The following CFAP54 variants were observed in gnomAD, a reference collection of about 807,000 sequenced individuals.
CFAP54 encodes the protein cilia and flagella associated protein 54.
In CFAP54, 290 loss-of-function variants were observed where a neutral mutation model predicts 370.4. That is an observed-to-expected ratio of 0.78 (90% CI 0.71 to 0.86). The LOEUF (loss-of-function observed/expected upper bound fraction) is 0.86, where lower values mean the gene tolerates loss of function less well. Ranked by LOEUF, CFAP54 falls within the 40% of genes least tolerant of loss-of-function variation. CFAP54 has a pLI of 0.00. For synonymous variants in CFAP54, 1,206 were observed against 1,236.5 expected (o/e 0.98, Z 0.52); for missense variants, 3,399 against 3,528.7 (o/e 0.96, Z 0.93).
In CFAP54 at chr12:96,724,990, A is replaced by G. The variant is rs552315250; in HGVS notation, c.6965+4425A>G. Among the ~76,000 whole-genome samples the G allele has an allele frequency of 3.7e-3, 561 of 152,144 alleles. 5 individuals carry two copies. Among genetic ancestry groups the G allele is most frequent in the African/African-American group, 0.013 (525 of 41,506 alleles). ...TGTCAAAGATCAGATAGTTTTAGATATGTGGCGTTATTTCTGAGGGCTCTG... is the reference window on the plus strand; with the variant it reads ...TGTCAAAGATCAGATAGTTTTAGATGTGTGGCGTTATTTCTGAGGGCTCTG... On this transcript the variant is annotated intron_variant, in intron 50 of 67. Transcript: ENST00000524981.
At chr12:96,547,118 G>A (rs896081742) in intron 14 of CFAP54, among the ~76,000 whole-genome samples, 1 of 152,078 alleles carries the variant, frequency 6.6e-6, no homozygotes. Flanking sequence ...AAAACATAAA[G>A]TACAAGTCTT....
At chr12:96,653,746 TA>T (rs1283787952) in intron 36 of CFAP54, among the ~76,000 whole-genome samples, 1 of 150,614 alleles carries the variant, frequency 6.6e-6, no homozygotes, top group East Asian at 1.9e-4. Context: ...AAGGAAATAA[TA>T]AAAAGAAATA....
At chr12:96,534,945 T>A (rs544981128) in intron 11 of CFAP54, among the ~76,000 whole-genome samples, 12 of 152,026 alleles carry the variant, frequency 7.9e-5, no homozygotes, top group Admixed American at 3.9e-4. Context: ...AATGTTGGAA[T>A]GTTGGATTTA....
intron 9 of CFAP54, 79 bp from the exon 10 acceptor site, chr12:96,533,713 C>A: frequency 9.2e-7 from 1 of 1,084,230 alleles, no homozygotes; most frequent in Non-Finnish European, 1.2e-6. Context: ...TTCCTGGTGC[C>A]TGAAAGTGTC....
At chr12:96,678,972 C>G (rs1298494106) in intron 39 of CFAP54, among the ~76,000 whole-genome samples, 2 of 152,160 alleles carry the variant, frequency 1.3e-5, no homozygotes, top group African/African-American at 2.4e-5. Context: ...CTCTCTTGGT[C>G]CTGCTTCATG....
At chr12:96,840,688 C>T (rs989475051) in intron 66 of CFAP54, among the ~76,000 whole-genome samples, 2 of 145,472 alleles carry the variant, frequency 1.4e-5, no homozygotes, top group African/African-American at 2.6e-5. Context: ...TCTATAATTA[C>T]ATCTTTCTTC....
chr12:96,748,412 G>A (rs557475407), intron 55 of CFAP54, among the ~76,000 whole-genome samples: 2 of 151,942 alleles, frequency 1.3e-5, no homozygotes, highest in Non-Finnish European at 2.9e-5. Context: ...CACTGAGAAA[G>A]TGCTGCTGTT....
intron 9 of CFAP54, among the ~76,000 whole-genome samples, chr12:96,533,055 A>G (rs950542612): frequency 5.9e-5 from 9 of 152,120 alleles, no homozygotes; most frequent in Non-Finnish European, 1.0e-4. Context: ...CTAGCACTCT[A>G]CTAAGAATGT....
At chr12:96,748,343 C>T (rs1228238348) in intron 55 of CFAP54, among the ~76,000 whole-genome samples, 1 of 152,028 alleles carries the variant, frequency 6.6e-6, no homozygotes, top group East Asian at 1.9e-4. Context: ...TAAACTAGTT[C>T]TTTCCTTTTT....
At position 96,792,277 on chromosome 12, in the gene CFAP54, T is replaced by C. The variant is rs868046555; in HGVS notation, c.8680-52T>C. 80 of 1,388,590 alleles carry C rather than the reference T, an allele frequency of 5.8e-5. No individual in the cohort carries two copies. The Middle Eastern group carries it at 3.4e-3, about 59-fold the overall frequency. The allele number at this position is 1,388,590 out of a possible 1,614,324, so 86.0% of individuals were successfully genotyped here. A position where few individuals can be genotyped will look rare whatever the true frequency, so the allele number is the denominator to read the frequency against. On this transcript the variant is annotated intron_variant, in intron 62 of 67. Coordinates refer to ENST00000524981, the MANE Select transcript of CFAP54 (RefSeq NM_001306084.2). Reference sequence around the variant, plus strand: ...ATAGCCAAATAATTTGTTTCATATATGTAACAAATTTATTACCAGTAATTA... The same window carrying C: ...ATAGCCAAATAATTTGTTTCATATACGTAACAAATTTATTACCAGTAATTA...
chr12:96,803,839 A>G (rs1344678973), intron 63 of CFAP54, among the ~76,000 whole-genome samples: 1 of 152,196 alleles, frequency 6.6e-6, no homozygotes, highest in Non-Finnish European at 1.5e-5. Context: ...AAAAAGCAGG[A>G]CATACTATAC....
intron 26 of CFAP54, among the ~76,000 whole-genome samples, chr12:96,606,475 CAATT>C (rs1956302435): frequency 6.6e-6 from 1 of 152,040 alleles, no homozygotes; most frequent in African/African-American, 2.4e-5. Context: ...TATGGGAAAA[CAATT>C]AAAATAGTTA....
rs896454875 is a variant in CFAP54 at position 96,728,267 on chromosome 12, A to G, written c.6965+7702A>G. On this transcript the variant is annotated intron_variant, in intron 50 of 67. Coordinates refer to ENST00000524981, the MANE Select transcript of CFAP54 (RefSeq NM_001306084.2). ...AGTTCTCCTGGATAATATCCTGCAG[A>G]GTGTTTTCCAACTTGGTTCCATTCT... Among the ~76,000 whole-genome samples, 15 of 152,228 alleles carry G rather than the reference A, an allele frequency of 9.9e-5. 1 individual carries two copies. Among genetic ancestry groups the G allele is most frequent in the African/African-American group, 3.6e-4 (15 of 41,546 alleles).
intron 48 of CFAP54, among the ~76,000 whole-genome samples, chr12:96,713,702 G>A (rs1054750801): frequency 1.2e-4 from 18 of 152,116 alleles, no homozygotes; most frequent in Non-Finnish European, 2.5e-4. Flanking sequence ...GGAGTGGGGT[G>A]TGATTTAAAA....
chr12:96,685,783 T>C (rs904835944), intron 42 of CFAP54, among the ~76,000 whole-genome samples: 5 of 152,080 alleles, frequency 3.3e-5, no homozygotes, highest in African/African-American at 1.2e-4. Flanking sequence ...AACTCCTGAC[T>C]TCTGGTGATC....
intron 67 of CFAP54, among the ~76,000 whole-genome samples, chr12:96,874,034 A>G (rs1960228505): frequency 6.6e-6 from 1 of 152,144 alleles, no homozygotes; most frequent in Non-Finnish European, 1.5e-5. Context: ...AGTACCATTT[A>G]TATGCCAAAA....
intron 39 of CFAP54, among the ~76,000 whole-genome samples, chr12:96,675,185 T>A (rs1443801697): frequency 1.3e-5 from 2 of 151,928 alleles, no homozygotes; most frequent in African/African-American, 2.4e-5. Context: ...TGCAATCTAC[T>A]CATCTGACAA....
chr12:96,535,691 C>T (rs878958538), intron 12 of CFAP54, 91 bp downstream of exon 12: 14 of 751,898 alleles, frequency 1.9e-5, no homozygotes, highest in Middle Eastern at 2.4e-4. Flanking sequence ...ACAGGAATTA[C>T]GCCTTGCTAA....
chr12:96,810,338 T>G (rs567593912), intron 63 of CFAP54, among the ~76,000 whole-genome samples: 16 of 152,274 alleles, frequency 1.1e-4, no homozygotes, highest in African/African-American at 3.8e-4. Context: ...CCTCTTGTGT[T>G]CTTTCTGTCC....
Sources: allele counts gnomAD v4.1 joint callset (sites outside exome capture counted in the v4.1 genomes callset), GRCh38; gene constraint gnomAD v4.1.1; transcripts MANE v1.5; gene names NCBI Gene and HGNC (gene_info 2026-07-23, HGNC 2026-07-21).